LMTK2: variants seen among roughly 807,000 people sequenced by gnomAD.
LMTK2 encodes the protein lemur tail kinase 2, also known as serine/threonine-protein kinase LMTK2.
In LMTK2, 37 loss-of-function variants were observed where a neutral mutation model predicts 127.5. The ratio of observed to expected loss-of-function variants is 0.29; its 90% CI spans 0.22 to 0.38. The LOEUF (loss-of-function observed/expected upper bound fraction) is 0.38, where lower values mean the gene tolerates loss of function less well. Ranked by LOEUF, LMTK2 falls within the 10% of genes least tolerant of loss-of-function variation. The probability of loss-of-function intolerance (pLI) is 1.00; values close to 1 mark genes in which losing one functional copy is unlikely to be tolerated. For missense variants in LMTK2, 1,694 were observed against 1,920.3 expected (o/e 0.88, Z 2.20); for synonymous variants, 819 against 810.1 (o/e 1.01, Z -0.19).
At chr7:98,134,282 T>A (rs1796567737) in intron 1 of LMTK2, among the ~76,000 whole-genome samples, 1 of 152,234 alleles carries the variant, frequency 6.6e-6, no homozygotes. Flanking sequence ...CTTAGTTTTG[T>A]ACCATTAAAA....
At position 98,203,605 on chromosome 7, in the gene LMTK2, G is replaced by C; in HGVS notation, c.4139G>C (p.Gly1380Ala). 6.2e-7 allele frequency: 1 copy of C among 1,606,950 alleles called. No homozygotes were observed. Among genetic ancestry groups the C allele is most frequent in the Non-Finnish European group, 8.5e-7 (1 of 1,178,360 alleles). ...CCAACCAAAGAGCTGGGGCCCTGTGGAGGAGAGGCGTGCGGCCCGGACCTG... is the reference window on the plus strand; with the variant it reads ...CCAACCAAAGAGCTGGGGCCCTGTGCAGGAGAGGCGTGCGGCCCGGACCTG... The part of the protein sequence containing the change: ...ETPTKELGPC[G>A]GEACGPDLSG... The change falls in exon 12 of 14, where the codon GGA becomes GCA. Residue 1380 changes from glycine to alanine, a missense_variant. This residue lies in a region of LMTK2 where 554 missense variants were observed against 567.7 expected (regional missense o/e 0.98). Transcript: ENST00000297293.
chr7:98,113,102 A>G (rs763476721), intron 1 of LMTK2, among the ~76,000 whole-genome samples: 3 of 152,034 alleles, frequency 2.0e-5, no homozygotes, highest in African/African-American at 4.8e-5. Context: ...TCCTCACCCA[A>G]TTCTTATCTT....
At chr7:98,123,478 C>G (rs1796396859) in intron 1 of LMTK2, among the ~76,000 whole-genome samples, 1 of 151,962 alleles carries the variant, frequency 6.6e-6, no homozygotes, top group Non-Finnish European at 1.5e-5. Context: ...TGTCCTGGAA[C>G]CCTTGTGTCC....
At chr7:98,133,086 A>G (rs1007324019) in intron 1 of LMTK2, among the ~76,000 whole-genome samples, 4 of 152,088 alleles carry the variant, frequency 2.6e-5, no homozygotes, top group African/African-American at 4.8e-5. Context: ...TTAAATGAAA[A>G]CTCACAGAAT....
intron 11 of LMTK2, among the ~76,000 whole-genome samples, chr7:98,202,450 T>A (rs1368502495): frequency 6.6e-6 from 1 of 152,206 alleles, no homozygotes; most frequent in East Asian, 1.9e-4. Flanking sequence ...CCAGGTAAAT[T>A]GAGGTGTTCC....
intron 11 of LMTK2, among the ~76,000 whole-genome samples, chr7:98,195,003 A>G (rs1271677804): frequency 6.6e-6 from 1 of 152,064 alleles, no homozygotes; most frequent in African/African-American, 2.4e-5. Flanking sequence ...CCACAGGTTC[A>G]TGCCACCATG....
At chr7:98,181,086 A>G (rs1219536759) in intron 7 of LMTK2, among the ~76,000 whole-genome samples, 3 of 152,182 alleles carry the variant, frequency 2.0e-5, no homozygotes, top group African/African-American at 7.2e-5. Flanking sequence ...CAAAGCCTGA[A>G]AGAAAATCTG....
At chr7:98,200,333 C>T (rs569186972) in intron 11 of LMTK2, among the ~76,000 whole-genome samples, 1 of 152,324 alleles carries the variant, frequency 6.6e-6, no homozygotes, top group South Asian at 2.1e-4. Flanking sequence ...TCATCAAACA[C>T]ATTCTAAGAA....
chr7:98,113,593 C>A (rs1796235071), intron 1 of LMTK2, among the ~76,000 whole-genome samples: 1 of 151,900 alleles, frequency 6.6e-6, no homozygotes, highest in Non-Finnish European at 1.5e-5. Flanking sequence ...CTTTTATAGT[C>A]GACTAGCAGT....
At chr7:98,132,682 G>T (rs537192944) in intron 1 of LMTK2, among the ~76,000 whole-genome samples, 2 of 152,230 alleles carry the variant, frequency 1.3e-5, no homozygotes, top group East Asian at 3.9e-4. Context: ...ATATCCACTA[G>T]TGACTGAACA....
At chr7:98,161,513 C>T (rs563439116) in intron 6 of LMTK2, among the ~76,000 whole-genome samples, 1 of 152,108 alleles carries the variant, frequency 6.6e-6, no homozygotes, top group Admixed American at 6.5e-5. Flanking sequence ...TCCTCCAGGT[C>T]GCCCAGTGAG....
chr7:98,150,759 A>G (rs1205437343), intron 3 of LMTK2, among the ~76,000 whole-genome samples: 1 of 152,258 alleles, frequency 6.6e-6, no homozygotes, highest in East Asian at 1.9e-4. Context: ...TCGAAAAAAG[A>G]GTACATACCA....
intron 7 of LMTK2, among the ~76,000 whole-genome samples, chr7:98,179,152 C>T (rs1182887933): frequency 2.6e-5 from 4 of 152,260 alleles, no homozygotes; most frequent in African/African-American, 7.2e-5. Flanking sequence ...GGACCTTCTG[C>T]AGGCGTAATT....
intron 3 of LMTK2, among the ~76,000 whole-genome samples, chr7:98,144,481 T>C (rs1186626552): frequency 6.6e-6 from 1 of 151,794 alleles, no homozygotes; most frequent in African/African-American, 2.4e-5. Flanking sequence ...AAAGTCTCCC[T>C]GTGGTATTTA....
rs1262272474 is a variant in LMTK2, at chr7:98,193,885, C to G, written c.3420C>G (p.Val1140=). 2 of 1,614,096 alleles carry G rather than the reference C, an allele frequency of 1.2e-6. No individual in the cohort carries two copies. Among genetic ancestry groups the G allele is most frequent in the East Asian group, 2.2e-5 (1 of 44,874 alleles). ...AGGAGCAGCCCCTACCCGAGCCAGT[C>G]CTCCCCGAGCAAAGTCCTGCTGCCC... ...LVQEQPLPEP[V]LPEQSPAAQD... Residue 1140 remains valine (V), a synonymous_variant, in exon 11 of 14, where the codon GTC becomes GTG. Coordinates refer to ENST00000297293, the MANE Select transcript of LMTK2 (RefSeq NM_014916.4). The surrounding 1 kb of genome is among the most constrained non-coding windows in gnomAD (Gnocchi z 4.1).
intron 1 of LMTK2, among the ~76,000 whole-genome samples, chr7:98,108,436 T>C (rs1375900492): frequency 6.6e-6 from 1 of 152,230 alleles, no homozygotes; most frequent in Non-Finnish European, 1.5e-5. Flanking sequence ...CTACATGTAA[T>C]TGCTTCCAGA....
Position 98,171,635 on chromosome 7 carries a change from C to T in LMTK2, c.752C>T (p.Ala251Val), listed in dbSNP as rs1371472444. The T allele has an allele frequency of 2.5e-6, 4 of 1,604,190 alleles. No individual in the cohort carries two copies. The highest frequency in any genetic ancestry group is 1.3e-5 in the African/African-American group (1 of 74,790). The change falls in exon 7 of 14, where the codon GCG (alanine) becomes GTG (valine). Residue 251 changes from alanine to valine, a missense_variant. Ala to Val is a moderately conservative substitution (Grantham distance 64). Coordinates refer to ENST00000297293, the MANE Select transcript of LMTK2 (RefSeq NM_014916.4). This position sits in a 1 kb window ranked among gnomAD's most constrained non-coding sequence, Gnocchi z 5.1. ...CAGAGGATGGCGTGCGAGGTCGCCG[C>T]GGGGCTGGCCGCCATGCACAAGCTG... ...LLQRMACEVA[A>V]GLAAMHKLHF...
At chr7:98,141,602 A>G in intron 3 of LMTK2, 61 bp downstream of exon 3, 1 of 1,496,860 alleles carries the variant, frequency 6.7e-7, no homozygotes, top group Non-Finnish European at 9.3e-7. Flanking sequence ...TGAGAATGGG[A>G]GCCTAGCCAT....
intron 12 of LMTK2, 72 bp downstream of exon 12, chr7:98,203,778 C>T: frequency 6.3e-7 from 1 of 1,593,254 alleles, no homozygotes; most frequent in South Asian, 1.1e-5. Flanking sequence ...TTGAGGGTAA[C>T]TTCCCATGTT....
Sources: allele counts gnomAD v4.1 joint callset (sites outside exome capture counted in the v4.1 genomes callset), GRCh38; gene constraint gnomAD v4.1.1; regional missense constraint gnomAD v4.1.1; non-coding constraint Gnocchi (gnomAD v3.1); transcripts MANE v1.5; gene names NCBI Gene and HGNC (gene_info 2026-07-23, HGNC 2026-07-21).